The following UBE3C variants were observed in gnomAD, a reference collection of about 807,000 sequenced individuals.
UBE3C encodes the protein ubiquitin protein ligase E3C, also known as ubiquitin-protein ligase E3C.
UBE3C carries 42 observed loss-of-function variants against 129.4 expected under a neutral mutation model. The observed-to-expected ratio is 0.32, with a 90% confidence interval of 0.25 to 0.42. UBE3C has a LOEUF of 0.42. UBE3C is among the 10% of genes least tolerant of loss of function. The probability of loss-of-function intolerance (pLI) is 1.00; values close to 1 mark genes in which losing one functional copy is unlikely to be tolerated. For missense variants in UBE3C, 1,049 were observed against 1,319.1 expected (o/e 0.80, Z 3.17); for synonymous variants, 510 against 492.4 (o/e 1.04, Z -0.47).
chr7:157,182,141 T>C lies in UBE3C; in HGVS notation c.804T>C (p.Phe268=). ...QQVFTAFTEE[F]LAAPFTDQIF... is the part of the protein sequence containing the mutation. The stretch of plus-strand genomic sequence containing the variant: ...TTTTTACAGCCTTCACAGAGGAGTT[T>C]CTGGCAGCACCTTTTACAGATCAGA... The change falls in exon 8 of 23, where the codon TTT becomes TTC. Residue 268 remains phenylalanine (F), a synonymous_variant. Coordinates refer to ENST00000348165, the MANE Select transcript of UBE3C (RefSeq NM_014671.3). 1 of 1,595,966 alleles carries C rather than the reference T, an allele frequency of 6.3e-7. No homozygotes were observed. The highest frequency in any genetic ancestry group is 1.4e-5 in the African/African-American group (1 of 73,846).
At chr7:157,187,065 A>G in intron 10 of UBE3C, 44 bp downstream of exon 10, 2 of 1,535,020 alleles carry the variant, frequency 1.3e-6, no homozygotes, top group Non-Finnish European at 1.8e-6. Flanking sequence ...CCAGCCAGAG[A>G]ACATACCTTC....
chr7:157,213,125 T>C (rs1478544056), intron 13 of UBE3C, among the ~76,000 whole-genome samples: 1 of 152,250 alleles, frequency 6.6e-6, no homozygotes, highest in East Asian at 1.9e-4. Flanking sequence ...TTATTTAATG[T>C]AACGTTTTGA....
intron 1 of UBE3C, among the ~76,000 whole-genome samples, chr7:157,154,062 G>A (rs1009719169): frequency 4.7e-5 from 6 of 127,614 alleles, no homozygotes; most frequent in African/African-American, 2.3e-4. Context: ...GCTCACACCT[G>A]TAATCCCAGC....
At chr7:157,214,343 T>C (rs545246432) in intron 13 of UBE3C, among the ~76,000 whole-genome samples, 1 of 152,316 alleles carries the variant, frequency 6.6e-6, no homozygotes, top group South Asian at 2.1e-4. Flanking sequence ...ATATATGTTC[T>C]TATGAACAGA....
rs543058900 is a variant in UBE3C, at chr7:157,188,153, G to A, written c.1331+1132G>A. 1.8e-4 allele frequency among the ~76,000 whole-genome samples: 27 copies of A among 152,360 alleles called. 1 individual carries two copies. The South Asian group carries it at 5.6e-3, about 32-fold the overall frequency. ...ATGTAGTAGTTCTGCTAGGACCCAA[G>A]GGACTGATGTTGCATAGGCAAAAGC... On this transcript the variant is annotated intron_variant, in intron 10 of 22. Transcript: ENST00000348165.
At chr7:157,259,537 T>TA (rs1326669293) in intron 22 of UBE3C, among the ~76,000 whole-genome samples, 1 of 152,216 alleles carries the variant, frequency 6.6e-6, no homozygotes, top group African/African-American at 2.4e-5. Flanking sequence ...GATTAAGAGA[T>TA]ATTTAGAATT....
chr7:157,264,641 C>T (rs1797027708), intron 22 of UBE3C, among the ~76,000 whole-genome samples: 1 of 152,166 alleles, frequency 6.6e-6, no homozygotes, highest in South Asian at 2.1e-4. Context: ...GAGTGCAATG[C>T]GTGATCTCGT....
intron 2 of UBE3C, among the ~76,000 whole-genome samples, chr7:157,166,941 G>GTT (rs1554422962): frequency 1.3e-5 from 2 of 149,768 alleles, no homozygotes; most frequent in East Asian, 2.0e-4. Flanking sequence ...TGGTGGTGGT[G>GTT]GTTTTTGAGA....
At chr7:157,182,024 G>T in intron 7 of UBE3C, 84 bp from the exon 8 acceptor site, 3 of 1,339,956 alleles carry the variant, frequency 2.2e-6, no homozygotes, top group Admixed American at 2.5e-5. Flanking sequence ...CTTTTAGAAG[G>T]ATATTTTGAA....
chr7:157,197,123 A>G (rs1384207778), intron 10 of UBE3C, among the ~76,000 whole-genome samples: 2 of 152,186 alleles, frequency 1.3e-5, no homozygotes, highest in African/African-American at 2.4e-5. Context: ...AGGAGAAATA[A>G]TTATTGTATG....
intron 2 of UBE3C, among the ~76,000 whole-genome samples, chr7:157,165,397 CT>C (rs34554349): frequency 0.3 from 37,054 of 124,278 alleles, 4,390 homozygotes; most frequent in African/African-American, 0.49. Flanking sequence ...TTAGCATTGA[CT>C]TTTTTTTTTT....
At chr7:157,177,325 C>G (rs1198119366) in intron 5 of UBE3C, among the ~76,000 whole-genome samples, 1 of 152,156 alleles carries the variant, frequency 6.6e-6, no homozygotes, top group East Asian at 1.9e-4. Flanking sequence ...AAATCTTTTA[C>G]TTCATTTTTT....
intron 3 of UBE3C, 142 bp downstream of exon 3, chr7:157,169,264 T>C (rs1054676879): frequency 4.0e-5 from 24 of 597,544 alleles, no homozygotes; most frequent in African/African-American, 3.5e-4. Flanking sequence ...TTCTAATTAT[T>C]GTGAAGATTT....
chr7:157,262,753 T>C (rs1796954785), intron 22 of UBE3C, among the ~76,000 whole-genome samples: 1 of 152,144 alleles, frequency 6.6e-6, no homozygotes, highest in South Asian at 2.1e-4. Flanking sequence ...GTGCTCTTAC[T>C]AGTTTTACCC....
At chr7:157,223,117 G>A (rs561677067) in intron 15 of UBE3C, 137 bp from the exon 16 acceptor site, 13 of 828,326 alleles carry the variant, frequency 1.6e-5, no homozygotes, top group African/African-American at 1.0e-4. Flanking sequence ...TGCCTGAGGC[G>A]GGGATGTGTT....
intron 2 of UBE3C, chr7:157,164,329 A>T (rs1314826295): frequency 2.2e-6 from 1 of 455,940 alleles, no homozygotes; most frequent in African/African-American, 2.0e-5. Context: ...GCTAATTTTT[A>T]AGATTTTTAC....
In UBE3C at chr7:157,269,072, T is replaced by C. The variant is rs1315223627; in HGVS notation, c.*1317T>C. ...GACAATGAACATTATCAAAACAAAA[T>C]GTATAATTTCTTAATTTGAATAATA... On this transcript the variant is annotated 3_prime_UTR_variant, in exon 23 of 23. Transcript: ENST00000348165. The C allele has an allele frequency of 6.6e-6, 1 of 152,636 alleles. No individual in the cohort carries two copies. Among genetic ancestry groups the C allele is most frequent in the Non-Finnish European group, 1.5e-5 (1 of 68,038 alleles). The allele number at this position is 152,636 out of a possible 1,614,324, so 9.5% of individuals were successfully genotyped here.
intron 18 of UBE3C, among the ~76,000 whole-genome samples, chr7:157,244,592 A>AT (rs970840286): frequency 5.9e-5 from 9 of 152,264 alleles, no homozygotes; most frequent in East Asian, 3.9e-4. Flanking sequence ...GAAAAGCATT[A>AT]TTTTTTTATT....
chr7:157,152,243 A>G (rs1335749371), intron 1 of UBE3C, among the ~76,000 whole-genome samples: 1 of 152,022 alleles, frequency 6.6e-6, no homozygotes, highest in African/African-American at 2.4e-5. Context: ...AGCTGGGGGA[A>G]AGGTAATTAG....
Sources: gnomAD v4.1 joint callset for allele counts (sites outside exome capture counted in the v4.1 genomes callset) on GRCh38, gnomAD v4.1.1 for gene constraint, MANE v1.5 for transcripts, NCBI Gene and HGNC (gene_info 2026-07-23, HGNC 2026-07-21) for gene names.